The following OSMR variants were observed in gnomAD, a reference collection of about 807,000 sequenced individuals.
The protein encoded by OSMR is oncostatin-M-specific receptor subunit beta.
Under a neutral mutation model 99.9 loss-of-function variants are expected in OSMR, and 81 were observed. That is an observed-to-expected ratio of 0.81 (90% CI 0.68 to 0.97). OSMR has a LOEUF of 0.97. Ranked by LOEUF, OSMR falls within the 50% of genes least tolerant of loss-of-function variation. The probability of loss-of-function intolerance (pLI) is 0.00; values close to 1 mark genes in which losing one functional copy is unlikely to be tolerated. For missense variants in OSMR, 1,099 were observed against 1,153.4 expected (o/e 0.95, Z 0.68); for synonymous variants, 406 against 410.4 (o/e 0.99, Z 0.13).
At chr5:38,883,355 G>A (rs973121862) in intron 4 of OSMR, among the ~76,000 whole-genome samples, 3 of 152,376 alleles carry the variant, frequency 2.0e-5, no homozygotes, top group East Asian at 1.9e-4. Flanking sequence ...AAGAGATTAC[G>A]AGGGATTTTG....
chr5:38,870,608 A>G (rs1316466595), intron 2 of OSMR, among the ~76,000 whole-genome samples: 1 of 152,232 alleles, frequency 6.6e-6, no homozygotes, highest in Non-Finnish European at 1.5e-5. Context: ...AAGGTCTGGT[A>G]TAAAAATAAA....
rs372310873 is a variant in OSMR, at chr5:38,869,136, A to G, written c.73+19A>G. ...AGTGAAGGTAAGAAGTGGAAGGAAC[A>G]GTAAAGACAAAAATCACGTCGGGAA... On this transcript the variant is annotated intron_variant, in intron 2 of 17. Coordinates refer to ENST00000274276, the MANE Select transcript of OSMR (RefSeq NM_003999.3). 5.8e-6 allele frequency: 9 copies of G among 1,552,188 alleles called. No homozygotes were observed. The highest frequency in any genetic ancestry group is 3.6e-6 in the Non-Finnish European group (4 of 1,123,582).
At chr5:38,932,010 A>G in intron 16 of OSMR, 46 bp downstream of exon 16, 1 of 1,362,242 alleles carries the variant, frequency 7.3e-7, no homozygotes, top group Non-Finnish European at 1.1e-6. Context: ...GTAAGAGAAA[A>G]GTCTGGAAAG....
At chr5:38,944,603 C>A in intron 2 of OSMR, 1 of 1,525,218 alleles carries the variant, frequency 6.6e-7, no homozygotes, top group Non-Finnish European at 8.9e-7. Context: ...TAAATATTAT[C>A]TATGTCACAA....
chr5:38,897,186 C>T (rs1402530297), intron 7 of OSMR, among the ~76,000 whole-genome samples: 6 of 151,894 alleles, frequency 4.0e-5, no homozygotes, highest in Admixed American at 3.9e-4. Context: ...GGACATATTC[C>T]CTCCTCCTCT....
At position 38,862,946 on chromosome 5, in the gene OSMR, G is replaced by C. The variant is rs558846960; in HGVS notation, c.-13-6086G>C. 1.4e-3 allele frequency among the ~76,000 whole-genome samples: 218 copies of C among 152,116 alleles called. 1 individual carries two copies. The highest frequency in any genetic ancestry group is 5.1e-3 in the African/African-American group (211 of 41,500). ...GGAGGCCGAGGCTGGCGGATCAGTCGCGGTTAGGAGCTGGAGACCAGCCCG... is the reference window on the plus strand; with the variant it reads ...GGAGGCCGAGGCTGGCGGATCAGTCCCGGTTAGGAGCTGGAGACCAGCCCG... On this transcript the variant is annotated intron_variant, in intron 1 of 17. Transcript: ENST00000274276.
chr5:38,852,717 C>CCTTTTTT (rs1740491359), intron 1 of OSMR, among the ~76,000 whole-genome samples: 1 of 57,430 alleles, frequency 1.7e-5, no homozygotes, highest in Non-Finnish European at 3.7e-5. Flanking sequence ...CTATTGTTTT[C>CCTTTTTT]ATTTTTTTTT....
At chr5:38,861,860 G>A (rs1741377951) in intron 1 of OSMR, among the ~76,000 whole-genome samples, 1 of 143,932 alleles carries the variant, frequency 6.9e-6, no homozygotes, top group African/African-American at 2.5e-5. Flanking sequence ...CGGGGCGGCT[G>A]GCCGGGCGGG....
intron 9 of OSMR, among the ~76,000 whole-genome samples, chr5:38,913,726 T>C (rs1305807130): frequency 6.6e-6 from 1 of 152,164 alleles, no homozygotes; most frequent in African/African-American, 2.4e-5. Flanking sequence ...AATCTTTGCA[T>C]GTTGTTACTG....
Position 38,859,195 on chromosome 5 carries a change from G to A in OSMR, c.-13-9837G>A, listed in dbSNP as rs189153533. 2.2e-3 allele frequency among the ~76,000 whole-genome samples: 328 copies of A among 152,068 alleles called. 2 individuals are homozygous for A. Among genetic ancestry groups the A allele is most frequent in the African/African-American group, 7.4e-3 (308 of 41,512 alleles). On this transcript the variant is annotated intron_variant, in intron 1 of 17. Transcript: ENST00000274276. ...GTTGCCTTGACCAATGTTCAGAAGC[G>A]TTTCTGCTATGTTTTTTTCTAGTAT... is the stretch of plus-strand genomic sequence containing the variant.
At chr5:38,852,236 A>T (rs1370686498) in intron 1 of OSMR, among the ~76,000 whole-genome samples, 1 of 152,202 alleles carries the variant, frequency 6.6e-6, no homozygotes, top group South Asian at 2.1e-4. Context: ...TCATGTACAC[A>T]GTGCTATAAC....
At chr5:38,908,137 A>C (rs1745360457) in intron 9 of OSMR, among the ~76,000 whole-genome samples, 1 of 152,154 alleles carries the variant, frequency 6.6e-6, no homozygotes, top group South Asian at 2.1e-4. Flanking sequence ...AAACCAGCAC[A>C]CAGACAACCA....
At chr5:38,895,841 C>T (rs867034731) in intron 7 of OSMR, among the ~76,000 whole-genome samples, 1 of 151,806 alleles carries the variant, frequency 6.6e-6, no homozygotes, top group African/African-American at 2.4e-5. Flanking sequence ...GGCTAGAAAT[C>T]GGTGTCTAGT....
intron 14 of OSMR, 162 bp from the exon 15 acceptor site, chr5:38,925,042 C>T: frequency 1.0e-6 from 1 of 982,408 alleles, no homozygotes; most frequent in African/African-American, 1.7e-5. Context: ...ACCTGGTGTG[C>T]CCATGGTGAT....
intron 2 of OSMR, among the ~76,000 whole-genome samples, chr5:38,873,279 A>G (rs1375327143): frequency 1.3e-5 from 2 of 152,200 alleles, no homozygotes; most frequent in Non-Finnish European, 2.9e-5. Context: ...TCAGTTTCTT[A>G]TGGCTGAGTA....
chr5:38,862,569 G>A (rs1210559456), intron 1 of OSMR, among the ~76,000 whole-genome samples: 41 of 150,888 alleles, frequency 2.7e-4, no homozygotes, highest in African/African-American at 9.3e-4. Flanking sequence ...CAGACGGGGC[G>A]GCCGGGCAGA....
chr5:38,924,800 A>G (rs932576507), intron 14 of OSMR, among the ~76,000 whole-genome samples: 13 of 152,132 alleles, frequency 8.5e-5, no homozygotes, highest in Non-Finnish European at 5.9e-5. Context: ...TTAAAAAACA[A>G]TATGACTTGG....
chr5:38,900,395 CT>C (rs1744817792), intron 7 of OSMR, among the ~76,000 whole-genome samples: 1 of 152,172 alleles, frequency 6.6e-6, no homozygotes, highest in East Asian at 1.9e-4. Context: ...TGAGTGCCTA[CT>C]TGACTTTTCA....
intron 8 of OSMR, 40 bp from the exon 9 acceptor site, chr5:38,904,313 T>G: frequency 6.3e-7 from 1 of 1,594,946 alleles, no homozygotes; most frequent in Non-Finnish European, 8.5e-7. Flanking sequence ...TGTCTTGTTC[T>G]TTTCTCTTTT....
Sources: allele counts gnomAD v4.1 joint callset (sites outside exome capture counted in the v4.1 genomes callset), GRCh38; gene constraint gnomAD v4.1.1; transcripts MANE v1.5; gene names NCBI Gene and HGNC (gene_info 2026-07-23, HGNC 2026-07-21).